The following SLC19A1 variants were observed in gnomAD, a reference collection of about 807,000 sequenced individuals.
SLC19A1 encodes the protein reduced folate transporter.
SLC19A1 carries 37 observed loss-of-function variants against 35.3 expected under a neutral mutation model. That is an observed-to-expected ratio of 1.05 (90% CI 0.81 to 1.38). The LOEUF is 1.38. Among genes scored for constraint, SLC19A1 ranks in the 40% most tolerant of loss-of-function variants. The probability of loss-of-function intolerance (pLI) is 0.00; values close to 1 mark genes in which losing one functional copy is unlikely to be tolerated. For missense variants in SLC19A1, 831 were observed against 826.9 expected (o/e 1.00, Z -0.06); for synonymous variants, 460 against 398.5 (o/e 1.15, Z -1.84).
chr21:45,519,686 C>T (rs2077382742), intron 5 of SLC19A1, among the ~76,000 whole-genome samples: 1 of 151,744 alleles, frequency 6.6e-6, no homozygotes, highest in Non-Finnish European at 1.5e-5. Context: ...AAATTTCAAT[C>T]CCTAACGTGT....
intron 1 of SLC19A1, among the ~76,000 whole-genome samples, chr21:45,551,364 T>G (rs1289003360): frequency 6.6e-6 from 1 of 152,232 alleles, no homozygotes; most frequent in African/African-American, 2.4e-5. Context: ...CTGTTCTAGT[T>G]TCTGAGTTAA....
At chr21:45,523,792 C>G (rs954565013) in intron 5 of SLC19A1, among the ~76,000 whole-genome samples, 3 of 152,204 alleles carry the variant, frequency 2.0e-5, no homozygotes, top group African/African-American at 7.2e-5. Flanking sequence ...GACGGGCACT[C>G]CCTGCCCATA....
intron 3 of SLC19A1, chr21:45,506,143 G>C (rs1017967741): frequency 2.1e-6 from 2 of 948,954 alleles, no homozygotes; most frequent in Admixed American, 4.5e-5. Context: ...GAGCAGTTTT[G>C]GGTTTAAAGA....
chr21:45,510,292 T>TA (rs1179594429), downstream of SLC19A1: 7 of 1,567,014 alleles, frequency 4.5e-6, no homozygotes, highest in African/African-American at 9.5e-5. Context: ...GGGCGCGGGC[T>TA]CCTCGGCCCC....
chr21:45,540,948 G>A lies in SLC19A1; in HGVS notation c.-50+1420C>T, dbSNP rs1004253833. 2.0e-5 allele frequency among the ~76,000 whole-genome samples: 3 copies of A among 152,112 alleles called. No homozygotes were observed. The highest frequency in any genetic ancestry group is 1.9e-4 in the East Asian group (1 of 5,192). ...ACAAGCAAACGCCACCTATCATTCC[G>A]TGTTTAAACCAGCTCCTACTCTGGA... is the stretch of plus-strand genomic sequence containing the variant. On this transcript the variant is annotated intron_variant, in intron 1 of 5. Transcript: ENST00000311124. This position sits in a 1 kb window ranked among gnomAD's most constrained non-coding sequence, Gnocchi z 5.5.
At chr21:45,507,168 GGGAGGGAGA>G in intron 3 of SLC19A1, 2 of 172,298 alleles carry the variant, frequency 1.2e-5, no homozygotes, top group South Asian at 6.1e-5. Flanking sequence ...CCGGGTGTTG[GGGAGGGAGA>G]GGCGGGTGCT....
intron 5 of SLC19A1, among the ~76,000 whole-genome samples, chr21:45,518,858 CA>C (rs760540111): frequency 6.6e-6 from 1 of 151,822 alleles, no homozygotes; most frequent in Non-Finnish European, 1.5e-5. Context: ...AAAATAATGG[CA>C]AAAAACAAAC....
chr21:45,555,192 G>C (rs546239218), intron 1 of SLC19A1, among the ~76,000 whole-genome samples: 6 of 40,014 alleles, frequency 1.5e-4, no homozygotes, highest in South Asian at 1.1e-3. Flanking sequence ...GCAGGGGGCG[G>C]CGGGGGCGGC....
chr21:45,529,432 G>A (rs1342750337), intron 4 of SLC19A1, among the ~76,000 whole-genome samples: 2 of 152,234 alleles, frequency 1.3e-5, no homozygotes, highest in Admixed American at 1.3e-4. Context: ...GGGAAGCCCA[G>A]GAAGGGGTAC....
intron 1 of SLC19A1, among the ~76,000 whole-genome samples, chr21:45,552,908 C>T (rs753014891): frequency 1.1e-4 from 16 of 152,280 alleles, no homozygotes; most frequent in South Asian, 6.2e-4. Context: ...GCAGAGCAGA[C>T]GGCCTCTCGC....
chr21:45,558,145 T>G (rs2078581772), intron 1 of SLC19A1, among the ~76,000 whole-genome samples: 1 of 152,252 alleles, frequency 6.6e-6, no homozygotes, highest in South Asian at 2.1e-4. Context: ...TGGAGGCGGC[T>G]TCTGAAAACC....
chr21:45,558,762 A>C (rs2078587408), intron 1 of SLC19A1, among the ~76,000 whole-genome samples: 1 of 151,632 alleles, frequency 6.6e-6, no homozygotes, highest in South Asian at 2.1e-4. Flanking sequence ...CCAATTTCTC[A>C]GCACACAGGG....
intron 2 of SLC19A1, 38 bp from the exon 3 acceptor site, chr21:45,532,186 C>T: frequency 6.6e-7 from 1 of 1,515,570 alleles, no homozygotes; most frequent in Admixed American, 1.9e-5. Context: ...CAGGTGTTAG[C>T]AATGCTGCCG....
intron 5 of SLC19A1, among the ~76,000 whole-genome samples, chr21:45,518,758 G>GA (rs1324219736): frequency 6.6e-6 from 1 of 152,096 alleles, no homozygotes; most frequent in Non-Finnish European, 1.5e-5. Context: ...TATATCCAGT[G>GA]AAAACATCCT....
intron 3 of SLC19A1, among the ~76,000 whole-genome samples, chr21:45,503,684 C>T (rs1439554343): frequency 6.6e-6 from 1 of 150,546 alleles, no homozygotes; most frequent in Admixed American, 6.6e-5. Context: ...ATACCTAATG[C>T]TAGATGACGA....
chr21:45,503,031 A>G (rs966731409), intron 3 of SLC19A1: 7 of 152,276 alleles, frequency 4.6e-5, no homozygotes, highest in African/African-American at 1.7e-4. Flanking sequence ...CAATAAACAT[A>G]CGTGTGCATG....
intron 5 of SLC19A1, 147 bp from the exon 6 acceptor site, chr21:45,516,287 G>A (rs1022906426): frequency 1.2e-5 from 8 of 647,896 alleles, no homozygotes; most frequent in Admixed American, 9.1e-5. Context: ...CCAGCCCCAG[G>A]AGCAGGTGCC....
At chr21:45,505,383 CCCCCCTGGGCCCCCTGGG>C (rs571597296) in intron 3 of SLC19A1, 2 of 1,585,042 alleles carry the variant, frequency 1.3e-6, no homozygotes, top group Non-Finnish European at 1.7e-6. Flanking sequence ...GCCCTCCGGG[CCCCCCTGGGCCCCCTGGG>C]CCCCCTGGAA....
rs779850136 is a variant in SLC19A1, at chr21:45,530,738, C to T, written c.1151+32G>A. On this transcript the variant is annotated intron_variant, in intron 4 of 5. Transcript: ENST00000311124. The surrounding 1 kb of genome is among the most constrained non-coding windows in gnomAD (Gnocchi z 5.3). ...GCGGGGCTTGATCCTGGCGCCTGCC[C>T]GCCCCCGGCTTCCCACCCTTCTGGA... 1.3e-6 allele frequency: 2 copies of T among 1,543,278 alleles called. No homozygotes were observed. The highest frequency in any genetic ancestry group is 1.4e-5 in the African/African-American group (1 of 72,600).
Sources: gnomAD v4.1 joint callset for allele counts (sites outside exome capture counted in the v4.1 genomes callset) on GRCh38, gnomAD v4.1.1 for gene constraint, Gnocchi (gnomAD v3.1) non-coding constraint, MANE v1.5 for transcripts, NCBI Gene and HGNC (gene_info 2026-07-23, HGNC 2026-07-21) for gene names.